Variants in PCDHGA6 observed in about 807,000 individuals in gnomAD.
PCDHGA6 encodes the protein protocadherin gamma-A6.
In PCDHGA6, 41 loss-of-function variants were observed where a neutral mutation model predicts 60.6. That is an observed-to-expected ratio of 0.68 (90% CI 0.53 to 0.88). The LOEUF (loss-of-function observed/expected upper bound fraction) is 0.88, where lower values mean the gene tolerates loss of function less well. PCDHGA6 is among the 40% of genes least tolerant of loss of function. The pLI is 0.00. For missense variants in PCDHGA6, 1,312 were observed against 1,203.0 expected, an observed-to-expected ratio of 1.09 and a Z score of -1.34; for synonymous variants, 594 against 524.4, an observed-to-expected ratio of 1.13 and a Z score of -1.81.
intron 1 of PCDHGA6, chr5:141,384,939 C>T (rs1780682611): frequency 6.2e-7 from 1 of 1,614,018 alleles, no homozygotes; most frequent in Non-Finnish European, 8.5e-7. Context: ...GCCTTGAGCC[C>T]TCCGACGGTC....
chr5:141,421,533 C>T (rs80184002), intron 1 of PCDHGA6: 1 of 1,614,044 alleles, frequency 6.2e-7, no homozygotes, highest in African/African-American at 1.3e-5. Flanking sequence ...CGGTGTCCTC[C>T]TGTTTTTTAA....
intron 1 of PCDHGA6, chr5:141,428,067 G>A (rs753358896): frequency 6.2e-7 from 1 of 1,609,228 alleles, no homozygotes; most frequent in South Asian, 1.1e-5. Flanking sequence ...GGTGGACGCA[G>A]ATTCGGGACA....
chr5:141,495,469 C>G (rs1398171981), intron 2 of PCDHGA6, among the ~76,000 whole-genome samples: 1 of 152,220 alleles, frequency 6.6e-6, no homozygotes, highest in Non-Finnish European at 1.5e-5. Flanking sequence ...TGTGGGGTCT[C>G]CGTGTCTCTG....
In PCDHGA6 at chr5:141,404,506, C is replaced by T. The variant is rs530963064; in HGVS notation, c.2424+27999C>T. The stretch of plus-strand genomic sequence containing the variant: ...ACACTGGTGTGCTGTATGCTCTGTG[C>T]TCCTTTGACTATGAGCAGTTTAGAG... On this transcript the variant is annotated intron_variant, in intron 1 of 3. Coordinates refer to ENST00000517434, the MANE Select transcript of PCDHGA6 (RefSeq NM_018919.3). 540 of 1,613,932 alleles carry T rather than the reference C, an allele frequency of 3.3e-4. 6 individuals are homozygous for T. In the South Asian group the frequency reaches 5.6e-3, roughly 17 times the overall value.
rs202006594 is a variant in PCDHGA6 at position 141,477,618 on chromosome 5, C to G, written c.2425-17189C>G. On this transcript the variant is annotated intron_variant, in intron 1 of 3. Coordinates refer to ENST00000517434, the MANE Select transcript of PCDHGA6 (RefSeq NM_018919.3). The surrounding 1 kb of genome is among the most constrained non-coding windows in gnomAD (Gnocchi z 4.9). ...TCTTTCTTTCTCTTGGAGCAAGGAGCTGAAACCGGGCTAGTGGGTCGCTAT... is the reference window on the plus strand; with the variant it reads ...TCTTTCTTTCTCTTGGAGCAAGGAGGTGAAACCGGGCTAGTGGGTCGCTAT... 6.2e-7 allele frequency: 1 copy of G among 1,614,176 alleles called. No individual in the cohort carries two copies. Among genetic ancestry groups the G allele is most frequent in the East Asian group, 2.2e-5 (1 of 44,890 alleles).
At chr5:141,379,947 T>C (rs546796076) in intron 1 of PCDHGA6, among the ~76,000 whole-genome samples, 40 of 134,556 alleles carry the variant, frequency 3.0e-4, no homozygotes, top group African/African-American at 9.9e-4. Context: ...TCTCCCAGGC[T>C]GGAATGCAGT....
At chr5:141,437,944 G>A (rs576107104) in intron 1 of PCDHGA6, among the ~76,000 whole-genome samples, 1 of 152,178 alleles carries the variant, frequency 6.6e-6, no homozygotes, top group South Asian at 2.1e-4. Flanking sequence ...CACCATATTG[G>A]CCAGAATGGT....
chr5:141,418,236 T>C, intron 1 of PCDHGA6: 8 of 1,614,030 alleles, frequency 5.0e-6, no homozygotes, highest in Non-Finnish European at 6.8e-6. Flanking sequence ...ATTGAGGATG[T>C]TAATGACCAC....
rs199519740 is a variant in PCDHGA6 at position 141,394,287 on chromosome 5, A to C, written c.2424+17780A>C. On this transcript the variant is annotated intron_variant, in intron 1 of 3. Transcript: ENST00000517434. ...GAATGCCCAGGTCACTTACTCTGTG[A>C]CCGAGGACACGCTGCAGGGGGCGCC... 122 of 1,613,772 alleles carry C rather than the reference A, an allele frequency of 7.6e-5. No individual in the cohort carries two copies. Among genetic ancestry groups the C allele is most frequent in the Non-Finnish European group, 9.6e-5 (113 of 1,179,878 alleles).
chr5:141,409,293 T>G, intron 1 of PCDHGA6: 1 of 1,613,992 alleles, frequency 6.2e-7, no homozygotes, highest in Non-Finnish European at 8.5e-7. Flanking sequence ...CCTCCAGGAA[T>G]GGTTGTTGCC....
intron 1 of PCDHGA6, chr5:141,395,398 T>C (rs976008795): frequency 1.2e-6 from 1 of 863,780 alleles, no homozygotes; most frequent in East Asian, 2.8e-5. Context: ...TGAACTCTAA[T>C]AGTCATAGGT....
In PCDHGA6 at chr5:141,431,118, A is replaced by T. The variant is rs2097344347; in HGVS notation, c.2424+54611A>T. On this transcript the variant is annotated intron_variant, in intron 1 of 3. Coordinates refer to ENST00000517434, the MANE Select transcript of PCDHGA6 (RefSeq NM_018919.3). This position sits in a 1 kb window ranked among gnomAD's most constrained non-coding sequence, Gnocchi z 4.8. ...GATAAAGTGAAAATATATGGAGTAG[A>T]AGTAGAAGTAAGGGACATTAACGAC... is the stretch of plus-strand genomic sequence containing the variant. The T allele has an allele frequency of 6.2e-7, 1 of 1,614,182 alleles. No homozygotes were observed. Among genetic ancestry groups the T allele is most frequent in the African/African-American group, 1.3e-5 (1 of 75,070 alleles).
chr5:141,422,205 A>G (rs758255761), intron 1 of PCDHGA6: 2 of 1,562,218 alleles, frequency 1.3e-6, no homozygotes, highest in Non-Finnish European at 1.7e-6. Flanking sequence ...AAGATGGTGG[A>G]GGTCTCTTTA....
intron 1 of PCDHGA6, chr5:141,475,832 T>C: frequency 2.4e-6 from 1 of 410,610 alleles, no homozygotes; most frequent in Non-Finnish European, 4.4e-6. Flanking sequence ...CTAGCGCGTG[T>C]CCTGCTCAGA....
chr5:141,491,583 C>G lies in PCDHGA6; in HGVS notation c.2425-3224C>G. On this transcript the variant is annotated intron_variant, in intron 1 of 3. Coordinates refer to ENST00000517434, the MANE Select transcript of PCDHGA6 (RefSeq NM_018919.3). This position sits in a 1 kb window ranked among gnomAD's most constrained non-coding sequence, Gnocchi z 6.9. ...GCTACAGGACGTGCTTTTCACCGGC[C>G]TCGGACGGCAGTGACTTCACTTTTC... is the stretch of plus-strand genomic sequence containing the variant. 1 of 1,613,964 alleles carries G rather than the reference C, an allele frequency of 6.2e-7. No individual in the cohort carries two copies. The highest frequency in any genetic ancestry group is 8.5e-7 in the Non-Finnish European group (1 of 1,180,046).
At chr5:141,433,237 A>G in intron 1 of PCDHGA6, 1 of 1,495,940 alleles carries the variant, frequency 6.7e-7, no homozygotes, top group South Asian at 1.3e-5. Flanking sequence ...TCTGTCTCCC[A>G]AGCTGGAATG....
At chr5:141,388,841 A>G in intron 1 of PCDHGA6, 1 of 1,614,022 alleles carries the variant, frequency 6.2e-7, no homozygotes. Context: ...TTTTGGAAGC[A>G]AGGGACGGTG....
intron 1 of PCDHGA6, among the ~76,000 whole-genome samples, chr5:141,480,240 C>CAAA (rs11374694): frequency 1.8e-5 from 2 of 114,046 alleles, no homozygotes; most frequent in Non-Finnish European, 3.8e-5. Context: ...CCTGTCTCTA[C>CAAA]AAAAAAAAAA....
At chr5:141,505,579 G>A (rs1047837546) in intron 3 of PCDHGA6, 98 bp downstream of exon 3, 6 of 1,588,858 alleles carry the variant, frequency 3.8e-6, no homozygotes, top group Non-Finnish European at 4.3e-6. Flanking sequence ...TCAAACCTGT[G>A]TAGTTTCTCC....
Sources: gnomAD v4.1 joint callset for allele counts (sites outside exome capture counted in the v4.1 genomes callset) on GRCh38, gnomAD v4.1.1 for gene constraint, Gnocchi (gnomAD v3.1) non-coding constraint, MANE v1.5 for transcripts, NCBI Gene and HGNC (gene_info 2026-07-23, HGNC 2026-07-21) for gene names.